Variants in GNE observed in about 807,000 individuals in gnomAD.
GNE encodes the protein glucosamine (UDP-N-acetyl)-2-epimerase/N-acetylmannosamine kinase.
In GNE, 41 loss-of-function variants were observed where a neutral mutation model predicts 61.8. The observed-to-expected ratio is 0.66, with a 90% CI of 0.52 to 0.86. GNE has a LOEUF of 0.86. GNE is among the 40% of genes least tolerant of loss of function. The pLI is 0.00. For synonymous variants in GNE, 264 were observed against 326.4 expected (o/e 0.81, Z 2.06); for missense variants, 608 against 909.1 (o/e 0.67, Z 4.26).
intron 1 of GNE, among the ~76,000 whole-genome samples, chr9:36,251,701 C>T (rs1376820245): frequency 6.6e-6 from 1 of 152,046 alleles, no homozygotes; most frequent in African/African-American, 2.4e-5. Context: ...ATCAGGAATC[C>T]AGAGACACTT....
chr9:36,221,984 C>T lies in GNE; in HGVS notation c.1633+793G>A, dbSNP rs137877453. On this transcript the variant is annotated intron_variant, in intron 9 of 11. Transcript: ENST00000642385. ...GATACCAGTACCTGACGGGGCAGGA[C>T]GAACTTATTTTCAAAAAATTGTGGT... Among the ~76,000 whole-genome samples, 45 of 152,246 alleles carry T rather than the reference C, an allele frequency of 3.0e-4. No individual in the cohort carries two copies. The East Asian group carries it at 6.6e-3, about 22-fold the overall frequency.
rs1744228286 is a variant in GNE, at chr9:36,222,985, A to G, written c.1425T>C (p.Gly475=). ...TTCCTTCCCGAGGATTTACACGGCC[A>G]CCTGTGGAAATGCCTGCGCTCCACC... The part of the protein sequence containing the change: ...CRILGVGIST[G]GRVNPREGIV... The change falls in exon 9 of 12, where the codon GGT becomes GGC. Residue 475 remains glycine (G), a synonymous_variant. Coordinates refer to ENST00000642385, the MANE Select transcript of GNE (RefSeq NM_005476.7). 6.2e-7 allele frequency: 1 copy of G among 1,613,726 alleles called. No individual in the cohort carries two copies. Among genetic ancestry groups the G allele is most frequent in the Non-Finnish European group, 8.5e-7 (1 of 1,179,934 alleles).
chr9:36,256,239 CTTTTTTTTT>C (rs34215482), intron 1 of GNE, among the ~76,000 whole-genome samples: 21 of 55,980 alleles, frequency 3.8e-4, no homozygotes, highest in Admixed American at 7.6e-4. Flanking sequence ...AAACCCAATT[CTTTTTTTTT>C]TTTTTTTTTT....
chr9:36,247,953 G>A lies in GNE; in HGVS notation c.164+1239C>T, dbSNP rs1829958172. Reference sequence around the variant, plus strand: ...AGGCAGGAGAATCACTTGAACCCGGGAGGTGGAAGTTGCAGTGAGCCGAGA... The same window carrying A: ...AGGCAGGAGAATCACTTGAACCCGGAAGGTGGAAGTTGCAGTGAGCCGAGA... On this transcript the variant is annotated intron_variant, in intron 2 of 11. Transcript: ENST00000642385. Among the ~76,000 whole-genome samples, 3 of 150,434 alleles carry A rather than the reference G, an allele frequency of 2.0e-5. No individual in the cohort carries two copies. The South Asian group carries it at 6.3e-4, about 32-fold the overall frequency.
At chr9:36,274,967 G>A (rs759649652) in intron 1 of GNE, among the ~76,000 whole-genome samples, 15 of 152,020 alleles carry the variant, frequency 9.9e-5, no homozygotes, top group African/African-American at 2.2e-4. Context: ...CTCGTGATCC[G>A]CCGGACTCGG....
rs948634484 is a variant in GNE, at chr9:36,218,168, C to T, written c.1933+15G>A. On this transcript the variant is annotated intron_variant, in intron 11 of 11. Transcript: ENST00000642385. The surrounding 1 kb of genome is among the most constrained non-coding windows in gnomAD (Gnocchi z 4.1). The stretch of plus-strand genomic sequence containing the variant: ...CCACCCCCTGCAGCACAGCCACCTG[C>T]AGCCACATGCTCACCTGTTCTTAGG... The T allele has an allele frequency of 3.2e-6, 5 of 1,570,224 alleles. No individual in the cohort carries two copies. Among genetic ancestry groups the T allele is most frequent in the Non-Finnish European group, 4.4e-6 (5 of 1,139,892 alleles).
upstream of GNE, among the ~76,000 whole-genome samples, chr9:36,261,415 T>G (rs1452841522): frequency 3.3e-5 from 5 of 151,092 alleles, no homozygotes; most frequent in Admixed American, 2.6e-4. Flanking sequence ...TAGCCGGGGA[T>G]GGTGGCGCAC....
At chr9:36,236,286 C>T (rs112704542) in intron 4 of GNE, among the ~76,000 whole-genome samples, 93 of 152,140 alleles carry the variant, frequency 6.1e-4, no homozygotes, top group Non-Finnish European at 1.2e-3. Context: ...CTGCAACCTC[C>T]ACCTTCCAGG....
intron 7 of GNE, 60 bp from the exon 8 acceptor site, chr9:36,223,562 T>C: frequency 6.5e-7 from 1 of 1,546,048 alleles, no homozygotes; most frequent in Non-Finnish European, 8.9e-7. Flanking sequence ...ATATTGTGAG[T>C]GTTGTGATCT....
At chr9:36,240,613 T>A (rs1829595775) in intron 3 of GNE, among the ~76,000 whole-genome samples, 1 of 152,158 alleles carries the variant, frequency 6.6e-6, no homozygotes, top group Non-Finnish European at 1.5e-5. Flanking sequence ...GGCCTGTTGT[T>A]TTTTTTGTTA....
intron 4 of GNE, among the ~76,000 whole-genome samples, chr9:36,234,762 A>C (rs1829323533): frequency 6.6e-6 from 1 of 152,040 alleles, no homozygotes; most frequent in Non-Finnish European, 1.5e-5. Context: ...AAAATTGCTA[A>C]CCTGACTGGT....
chr9:36,242,173 A>G (rs2133096557), intron 3 of GNE, among the ~76,000 whole-genome samples: 1 of 152,212 alleles, frequency 6.6e-6, no homozygotes, highest in East Asian at 1.9e-4. Flanking sequence ...AGAAAAAAAA[A>G]AAGAAGTTGC....
chr9:36,265,255 C>G (rs1426316189), intron 1 of GNE: 2 of 396,734 alleles, frequency 5.0e-6, no homozygotes, highest in Admixed American at 2.8e-5. Context: ...CTATAACATT[C>G]ACCGCATGGC....
chr9:36,265,666 G>A, intron 1 of GNE: 1 of 305,304 alleles, frequency 3.3e-6, no homozygotes. Context: ...TTGGCACCAG[G>A]GACTGGTTTC....
At chr9:36,233,878 G>A in intron 5 of GNE, 42 bp downstream of exon 5, 1 of 1,411,454 alleles carries the variant, frequency 7.1e-7, no homozygotes, top group Non-Finnish European at 1.0e-6. Context: ...ACTCACGTAT[G>A]TATAAAGCCT....
intron 1 of GNE, among the ~76,000 whole-genome samples, chr9:36,257,652 A>C (rs1344920835): frequency 2.7e-5 from 4 of 150,122 alleles, no homozygotes; most frequent in South Asian, 4.2e-4. Context: ...AAATACAAAA[A>C]ATTAGCCGGG....
intron 1 of GNE, among the ~76,000 whole-genome samples, chr9:36,271,575 T>C (rs1417007849): frequency 6.6e-6 from 1 of 152,174 alleles, no homozygotes; most frequent in East Asian, 1.9e-4. Flanking sequence ...GGTTTCACCA[T>C]GTTGTCTAGG....
intron 7 of GNE, among the ~76,000 whole-genome samples, chr9:36,224,647 T>A (rs1431769175): frequency 6.6e-6 from 1 of 152,096 alleles, no homozygotes; most frequent in African/African-American, 2.4e-5. Context: ...GGCAGGTAGA[T>A]CACTTTGACC....
chr9:36,245,151 C>A (rs1237666390), intron 3 of GNE, among the ~76,000 whole-genome samples: 1 of 151,210 alleles, frequency 6.6e-6, no homozygotes, highest in Non-Finnish European at 1.5e-5. Context: ...GTAATCCCAG[C>A]CACTCGGGAG....
Sources: allele counts gnomAD v4.1 joint callset (sites outside exome capture counted in the v4.1 genomes callset), GRCh38; gene constraint gnomAD v4.1.1; non-coding constraint Gnocchi (gnomAD v3.1); transcripts MANE v1.5; gene names NCBI Gene and HGNC (gene_info 2026-07-23, HGNC 2026-07-21).